Variants in KCNQ3 observed in about 807,000 individuals in gnomAD.
KCNQ3 encodes potassium voltage-gated channel subfamily KQT member 3.
A neutral mutation model predicts 92.5 loss-of-function variants in KCNQ3; 30 were observed. The observed-to-expected ratio is 0.32, with a 90% confidence interval of 0.24 to 0.44. The LOEUF is 0.44. Among genes scored for constraint, KCNQ3 ranks in the 20% least tolerant of loss-of-function variants. KCNQ3 has a pLI of 1.00. For synonymous variants in KCNQ3, 450 were observed against 468.8 expected (o/e 0.96, Z 0.52); for missense variants, 913 against 1,140.3 (o/e 0.80, Z 2.87).
At chr8:132,181,562 A>G (rs62519592) in intron 3 of KCNQ3, among the ~76,000 whole-genome samples, 7,052 of 151,976 alleles carry the variant, frequency 0.046, 256 homozygotes, top group Non-Finnish European at 0.068. Context: ...GGGCTCCAAC[A>G]GTTCCAAGGA....
intron 1 of KCNQ3, among the ~76,000 whole-genome samples, chr8:132,222,778 G>C (rs1457611292): frequency 1.3e-5 from 2 of 152,234 alleles, no homozygotes; most frequent in African/African-American, 2.4e-5. Context: ...ACACACACGT[G>C]GGTGGGATGC....
chr8:132,226,345 C>T (rs941660369), intron 1 of KCNQ3, among the ~76,000 whole-genome samples: 2 of 151,842 alleles, frequency 1.3e-5, no homozygotes, highest in African/African-American at 4.8e-5. Flanking sequence ...TTAAATACCA[C>T]ACTGTATAAT....
At chr8:132,425,290 C>T (rs978515326) in intron 1 of KCNQ3, among the ~76,000 whole-genome samples, 3 of 152,246 alleles carry the variant, frequency 2.0e-5, no homozygotes, top group Admixed American at 6.5e-5. Flanking sequence ...TCATTATACA[C>T]ATTGCCTTTC....
At chr8:132,445,209 G>A (rs561395356) in intron 1 of KCNQ3, among the ~76,000 whole-genome samples, 1 of 152,138 alleles carries the variant, frequency 6.6e-6, no homozygotes, top group Non-Finnish European at 1.5e-5. Flanking sequence ...GCATTACATT[G>A]TCACATTCCT....
intron 1 of KCNQ3, among the ~76,000 whole-genome samples, chr8:132,267,060 G>A (rs1816004729): frequency 6.6e-6 from 1 of 152,144 alleles, no homozygotes; most frequent in South Asian, 2.1e-4. Context: ...CTGAAGGGAA[G>A]GAAGGAACCC....
chr8:132,284,894 C>A (rs1816632595), intron 1 of KCNQ3, among the ~76,000 whole-genome samples: 1 of 152,218 alleles, frequency 6.6e-6, no homozygotes, highest in African/African-American at 2.4e-5. Context: ...GAGCATGCCT[C>A]TCCTATTTTG....
intron 1 of KCNQ3, among the ~76,000 whole-genome samples, chr8:132,385,188 C>T (rs1431491578): frequency 6.6e-6 from 1 of 152,244 alleles, no homozygotes; most frequent in Non-Finnish European, 1.5e-5. Context: ...GAGATCATCC[C>T]AGCTTCAGAG....
intron 1 of KCNQ3, among the ~76,000 whole-genome samples, chr8:132,385,730 C>T (rs1819872732): frequency 2.0e-5 from 3 of 151,942 alleles, no homozygotes; most frequent in Non-Finnish European, 4.4e-5. Flanking sequence ...GCAATGGGGA[C>T]AAATTTGTGT....
chr8:132,129,134 G>T lies in KCNQ3; in HGVS notation c.*128C>A. The T allele has an allele frequency of 8.7e-7, 1 of 1,148,444 alleles. No homozygotes were observed. Among genetic ancestry groups the T allele is most frequent in the Non-Finnish European group, 1.3e-6 (1 of 799,504 alleles). The allele number at this position is 1,148,444 out of a possible 1,614,324, so 71.1% of individuals were successfully genotyped here. ...CTGTGGGAAGCCCCTGCCTGGGTGG[G>T]GCCACCACGCACACGCATGCATTTG... On this transcript the variant is annotated 3_prime_UTR_variant, in exon 15 of 15. Transcript: ENST00000388996. The surrounding 1 kb of genome is among the most constrained non-coding windows in gnomAD (Gnocchi z 5.9).
intron 1 of KCNQ3, among the ~76,000 whole-genome samples, chr8:132,311,764 A>G (rs1475304906): frequency 6.6e-6 from 1 of 151,914 alleles, no homozygotes; most frequent in Non-Finnish European, 1.5e-5. Context: ...ACACTGTCCT[A>G]TGAAAGAGAG....
intron 1 of KCNQ3, among the ~76,000 whole-genome samples, chr8:132,308,650 T>C (rs1232238751): frequency 6.6e-6 from 1 of 152,190 alleles, no homozygotes; most frequent in Non-Finnish European, 1.5e-5. Flanking sequence ...AGGGGAGCCA[T>C]AATAACCACA....
chr8:132,193,820 C>T (rs961032925), intron 1 of KCNQ3, among the ~76,000 whole-genome samples: 1 of 152,202 alleles, frequency 6.6e-6, no homozygotes, highest in African/African-American at 2.4e-5. Flanking sequence ...AGTGAGAAGT[C>T]AGACACTGTG....
intron 1 of KCNQ3, among the ~76,000 whole-genome samples, chr8:132,257,611 G>A (rs1815631999): frequency 6.6e-6 from 1 of 151,818 alleles, no homozygotes. Flanking sequence ...GCTGGGTGTG[G>A]TGGCACGCAC....
intron 1 of KCNQ3, among the ~76,000 whole-genome samples, chr8:132,466,294 C>T (rs1312417685): frequency 2.0e-5 from 3 of 151,942 alleles, no homozygotes; most frequent in Non-Finnish European, 2.9e-5. Flanking sequence ...TAAGAATCAC[C>T]GAGAAAACAG....
At chr8:132,473,375 G>C (rs1279322897) in intron 1 of KCNQ3, among the ~76,000 whole-genome samples, 2 of 152,302 alleles carry the variant, frequency 1.3e-5, no homozygotes, top group East Asian at 3.9e-4. Flanking sequence ...TACTGCTGGA[G>C]GGATTCATTC....
At chr8:132,272,212 T>C (rs1816170997) in intron 1 of KCNQ3, among the ~76,000 whole-genome samples, 1 of 152,236 alleles carries the variant, frequency 6.6e-6, no homozygotes, top group African/African-American at 2.4e-5. Flanking sequence ...ATGAAGTAGA[T>C]TAACAGTAAT....
chr8:132,291,058 T>G (rs760373832), intron 1 of KCNQ3, among the ~76,000 whole-genome samples: 9 of 152,232 alleles, frequency 5.9e-5, no homozygotes, highest in African/African-American at 1.2e-4. Flanking sequence ...AACTGTCCAC[T>G]GGATTTAATG....
At position 132,311,330 on chromosome 8, in the gene KCNQ3, C is replaced by A. The variant is rs7005139; in HGVS notation, c.387-125149G>T. On this transcript the variant is annotated intron_variant, in intron 1 of 14. Transcript: ENST00000388996. ...TATCATTTGCTTTGGTAGGGCATGACAGCAAAAAGATACCACCAAATCATT... is the reference window on the plus strand; with the variant it reads ...TATCATTTGCTTTGGTAGGGCATGAAAGCAAAAAGATACCACCAAATCATT... Among the ~76,000 whole-genome samples, 1,224 of 151,954 alleles carry A rather than the reference C, an allele frequency of 8.1e-3. 17 individuals carry two copies. The highest frequency in any genetic ancestry group is 0.028 in the African/African-American group (1,177 of 41,438).
intron 9 of KCNQ3, among the ~76,000 whole-genome samples, chr8:132,143,558 G>T (rs545130195): frequency 6.6e-6 from 1 of 152,264 alleles, no homozygotes; most frequent in Non-Finnish European, 1.5e-5. Context: ...TGTGACCTAG[G>T]ACACATCATT....
Sources: gnomAD v4.1 joint callset for allele counts (sites outside exome capture counted in the v4.1 genomes callset) on GRCh38, gnomAD v4.1.1 for gene constraint, Gnocchi (gnomAD v3.1) non-coding constraint, MANE v1.5 for transcripts, NCBI Gene and HGNC (gene_info 2026-07-23, HGNC 2026-07-21) for gene names.